ITFG2: variants seen among roughly 807,000 people sequenced by gnomAD.
ITFG2 encodes KICSTOR complex protein ITFG2.
ITFG2 carries 36 observed loss-of-function variants against 54.4 expected under a neutral mutation model. The observed-to-expected ratio is 0.66, with a 90% CI of 0.51 to 0.87. ITFG2 has a LOEUF of 0.87. Ranked by LOEUF, ITFG2 falls within the 40% of genes least tolerant of loss-of-function variation. The pLI is 0.00. For missense variants in ITFG2, 524 were observed against 576.7 expected, an observed-to-expected ratio of 0.91 and a Z score of 0.94; for synonymous variants, 211 against 225.4, an observed-to-expected ratio of 0.94 and a Z score of 0.57.
upstream of ITFG2, chr12:2,834,847 G>C (rs141705563): frequency 1.1e-5 from 17 of 1,613,784 alleles, no homozygotes; most frequent in African/African-American, 1.9e-4. Flanking sequence ...CCCTGCTGGA[G>C]GAGTGGGCCA....
rs371762049 is a variant in ITFG2 at position 2,818,294 on chromosome 12, T to C, written c.406+17T>C. On this transcript the variant is annotated intron_variant, in intron 4 of 11. Transcript: ENST00000228799. ...GCGACATCGGTGGGCATGCCTACCT[T>C]TGCAGGCAGCCAGGAGAGTAGGAGT... 185 of 1,610,204 alleles carry C rather than the reference T, an allele frequency of 1.1e-4. 1 individual carries two copies. Among genetic ancestry groups the C allele is most frequent in the Non-Finnish European group, 1.5e-4 (178 of 1,179,982 alleles).
rs1039392764 is a variant in ITFG2, at chr12:2,823,717, C to T, written c.1067-53C>T. On this transcript the variant is annotated intron_variant, in intron 10 of 11. Transcript: ENST00000228799. ...GGTCTGTGTCTTGCTGTCTGCCCCC[C>T]ACTGTCGGCACTGAAACTTCCTGAC... 11 of 1,506,426 alleles carry T rather than the reference C, an allele frequency of 7.3e-6. No homozygotes were observed. The African/African-American group carries it at 8.4e-5, about 11-fold the overall frequency. 93.3% of individuals were successfully genotyped at this position (1,506,426 alleles called of 1,614,324 possible).
downstream of ITFG2, chr12:2,826,914 T>C: frequency 8.7e-7 from 1 of 1,148,722 alleles, no homozygotes; most frequent in South Asian, 1.9e-5. Context: ...CCCATTGTGC[T>C]TAGGTTCCTA....
intron 1 of ITFG2, 123 bp downstream of exon 1, chr12:2,812,979 C>CT: frequency 1.3e-6 from 1 of 763,498 alleles, no homozygotes. Flanking sequence ...TAGTTTGGAG[C>CT]GCTAGAGAGA....
At chr12:2,832,559 C>T (rs535566142), upstream of ITFG2, among the ~76,000 whole-genome samples, 1 of 151,886 alleles carries the variant, frequency 6.6e-6, no homozygotes, top group African/African-American at 2.4e-5. Context: ...AGGATGTACC[C>T]TCTCCAGGAT....
At chr12:2,850,978 CTTTT>C (rs35125854) in intron 2 of ITFG2, among the ~76,000 whole-genome samples, 3 of 81,666 alleles carry the variant, frequency 3.7e-5, no homozygotes, top group Non-Finnish European at 6.6e-5. Context: ...GGCCCAGAGT[CTTTT>C]TTTTTTTTTT....
intron 2 of ITFG2, among the ~76,000 whole-genome samples, chr12:2,841,412 C>T (rs985803688): frequency 2.6e-5 from 4 of 152,204 alleles, no homozygotes; most frequent in African/African-American, 9.7e-5. Context: ...AGGAAGGCTC[C>T]CTTGGCCTTC....
intron 2 of ITFG2, among the ~76,000 whole-genome samples, chr12:2,851,401 G>T (rs2098070398): frequency 6.6e-6 from 1 of 152,144 alleles, no homozygotes; most frequent in Non-Finnish European, 1.5e-5. Context: ...GAGCACAGTG[G>T]CCATGATCTT....
chr12:2,824,301 G>T lies in ITFG2; in HGVS notation c.*108G>T. ...GGGAATATGCATTACAGAAATGCAG[G>T]ATTTGACTCTGGGCATGAAAGATGG... On this transcript the variant is annotated 3_prime_UTR_variant, in exon 12 of 12. Transcript: ENST00000228799. 4.3e-6 allele frequency: 5 copies of T among 1,159,536 alleles called. No homozygotes were observed. Among genetic ancestry groups the T allele is most frequent in the Non-Finnish European group, 6.4e-6 (5 of 785,816 alleles). 71.8% of individuals were successfully genotyped at this position (1,159,536 alleles called of 1,614,324 possible). A position where few individuals can be genotyped will look rare whatever the true frequency, so the allele number is the denominator to read the frequency against.
chr12:2,835,157 G>GTT, upstream of ITFG2: 3 of 1,382,680 alleles, frequency 2.2e-6, no homozygotes, highest in South Asian at 1.5e-5. Context: ...TGGATGGGGC[G>GTT]TATGTGTGTG....
chr12:2,813,002 A>G, intron 1 of ITFG2, 146 bp downstream of exon 1: 1 of 611,092 alleles, frequency 1.6e-6, no homozygotes, highest in Non-Finnish European at 2.9e-6. Flanking sequence ...AACTTTATTG[A>G]TAGCTTCAGT....
At chr12:2,859,148 C>T in intron 3 of ITFG2, 11 of 1,606,534 alleles carry the variant, frequency 6.8e-6, no homozygotes, top group Non-Finnish European at 9.3e-6. Flanking sequence ...AAGGTCCTCC[C>T]ACTTCCTGGG....
chr12:2,838,569 A>G (rs1023001936), intron 1 of ITFG2, among the ~76,000 whole-genome samples: 4 of 152,156 alleles, frequency 2.6e-5, no homozygotes, highest in African/African-American at 7.2e-5. Context: ...AGTTAGTCTG[A>G]TAAGTCCTTT....
chr12:2,857,778 G>C (rs1374310846), intron 2 of ITFG2: 1 of 152,442 alleles, frequency 6.6e-6, no homozygotes, highest in East Asian at 1.9e-4. Flanking sequence ...GCAAAGCTGA[G>C]GGGCAAGCTA....
At chr12:2,856,955 C>T (rs1216638446) in intron 2 of ITFG2, 1 of 703,052 alleles carries the variant, frequency 1.4e-6, no homozygotes, top group Non-Finnish European at 2.6e-6. Flanking sequence ...CACCCCCTAC[C>T]TGCAGGAAAG....
intron 1 of ITFG2, among the ~76,000 whole-genome samples, chr12:2,837,887 G>A (rs2098032440): frequency 6.6e-6 from 1 of 152,158 alleles, no homozygotes; most frequent in Non-Finnish European, 1.5e-5. Flanking sequence ...TAGCAGAGCA[G>A]GTGGTCCAGT....
At chr12:2,830,517 A>T in intron 2 of ITFG2, 1 of 549,614 alleles carries the variant, frequency 1.8e-6, no homozygotes, top group Non-Finnish European at 3.2e-6. Flanking sequence ...TGACAGATGG[A>T]GTTGCACCGA....
chr12:2,840,679 G>T, intron 1 of ITFG2, among the ~76,000 whole-genome samples: 1 of 152,108 alleles, frequency 6.6e-6, no homozygotes, highest in South Asian at 2.1e-4. Flanking sequence ...CCAGCTACTC[G>T]GGAGGCTGAG....
upstream of ITFG2, chr12:2,834,876 C>T (rs564747710): frequency 6.2e-6 from 10 of 1,613,604 alleles, no homozygotes; most frequent in Admixed American, 5.0e-5. Flanking sequence ...TCGGTGGGGG[C>T]GTCACCGAGT....
Sources: gnomAD v4.1 joint callset for allele counts (sites outside exome capture counted in the v4.1 genomes callset) on GRCh38, gnomAD v4.1.1 for gene constraint, MANE v1.5 for transcripts, NCBI Gene and HGNC (gene_info 2026-07-23, HGNC 2026-07-21) for gene names.